Variants in KLHL25 observed in about 807,000 individuals in gnomAD.
The protein encoded by KLHL25 is kelch-like protein 25.
In KLHL25, 41 loss-of-function variants were observed where a neutral mutation model predicts 30.0. That is an observed-to-expected ratio of 1.37 (90% confidence interval 1.07 to 1.78). The LOEUF (loss-of-function observed/expected upper bound fraction) is 1.78. Ranked by LOEUF, KLHL25 falls within the 40% of genes most tolerant of loss-of-function variation. KLHL25 has a pLI of 0.00. For missense variants in KLHL25, 971 were observed against 824.5 expected, an observed-to-expected ratio of 1.18 and a Z score of -2.18; for synonymous variants, 399 against 355.3, an observed-to-expected ratio of 1.12 and a Z score of -1.38.
chr15:85,779,108 C>G (rs1433296912), intron 1 of KLHL25, among the ~76,000 whole-genome samples: 3 of 151,756 alleles, frequency 2.0e-5, no homozygotes, highest in African/African-American at 7.3e-5. Flanking sequence ...GCCGAACCCT[C>G]CCATGGGAGG....
At chr15:85,772,573 C>T (rs16944194) in intron 1 of KLHL25, among the ~76,000 whole-genome samples, 6,282 of 152,304 alleles carry the variant, frequency 0.041, 417 homozygotes, top group African/African-American at 0.14. Context: ...ACACCTAGAA[C>T]TAACTCCACT....
At chr15:85,782,927 T>C (rs1467947659) in intron 1 of KLHL25, among the ~76,000 whole-genome samples, 2 of 152,074 alleles carry the variant, frequency 1.3e-5, no homozygotes, top group Non-Finnish European at 2.9e-5. Flanking sequence ...CTAGAATCGA[T>C]TAGATGCTTA....
chr15:85,769,291 C>A lies in KLHL25; in HGVS notation c.520G>T (p.Val174Leu), dbSNP rs1222257393. The change falls in exon 2 of 3, where the codon GTG becomes TTG. Residue 174 changes from valine (V) to leucine (L), a missense_variant. By Grantham distance (32) the Val-to-Leu change is conservative. Coordinates refer to ENST00000337975, the MANE Select transcript of KLHL25 (RefSeq NM_022480.4). ...LYEFSWRMCL[V>L]HFETVRQSED... ...CTCTGCCTCACCGTCTCAAAGTGCA[C>A]CAGGCACATGCGCCAGGAGAACTCA... The A allele has an allele frequency of 1.9e-6, 3 of 1,613,970 alleles. No homozygotes were observed. The highest frequency in any genetic ancestry group is 4.5e-5 in the East Asian group (2 of 44,874).
intron 2 of KLHL25, 124 bp downstream of exon 2, chr15:85,767,893 C>T: frequency 1.6e-6 from 1 of 643,980 alleles, no homozygotes; most frequent in East Asian, 2.8e-5. Context: ...GCACACCAGC[C>T]ACCTGCTGCC....
chr15:85,780,754 C>T lies in KLHL25; in HGVS notation c.-10-10934G>A, dbSNP rs78751673. 3.5e-3 allele frequency among the ~76,000 whole-genome samples: 540 copies of T among 152,318 alleles called. 29 individuals are homozygous for T. The East Asian group carries it at 0.086, about 24-fold the overall frequency. On this transcript the variant is annotated intron_variant, in intron 1 of 2. Coordinates refer to ENST00000337975, the MANE Select transcript of KLHL25 (RefSeq NM_022480.4). ...CCCAAGACACAACTCTTTCTTTACC[C>T]GCTGACAGAGATGAGAGCAAGGGGA...
intron 1 of KLHL25, among the ~76,000 whole-genome samples, chr15:85,783,556 G>A (rs2151812160): frequency 6.6e-6 from 1 of 152,138 alleles, no homozygotes; most frequent in East Asian, 2.0e-4. Flanking sequence ...GACAGGCTTG[G>A]TGGCAGGCAT....
At chr15:85,767,970 C>T (rs904678455) in intron 2 of KLHL25, 47 bp downstream of exon 2, 2 of 1,289,350 alleles carry the variant, frequency 1.6e-6, no homozygotes, top group African/African-American at 1.5e-5. Context: ...TGCATTCCCC[C>T]ATGACCTTTC....
At chr15:85,765,518 C>T (rs543722095) in intron 2 of KLHL25, among the ~76,000 whole-genome samples, 2 of 151,466 alleles carry the variant, frequency 1.3e-5, no homozygotes, top group South Asian at 2.1e-4. Flanking sequence ...CCCAGCTACT[C>T]AGGAGGCTGA....
Position 85,768,637 on chromosome 15 carries a change from C to G in KLHL25, c.1174G>C (p.Val392Leu). The change falls in exon 2 of 3, where the codon GTG becomes CTG. Residue 392 changes from valine (V) to leucine (L), a missense_variant. By Grantham distance (32) the Val-to-Leu change is conservative. Coordinates refer to ENST00000337975, the MANE Select transcript of KLHL25 (RefSeq NM_022480.4). ...GCCAGGGATGTGTGTCCCCCCACCA[C>G]ATAGAGGCAGTTCTCCAGCTCAGCT... The part of the protein sequence containing the change: ...GSAELENCLY[V>L]VGGHTSLAGV... The G allele has an allele frequency of 6.2e-7, 1 of 1,613,114 alleles. No individual in the cohort carries two copies. The highest frequency in any genetic ancestry group is 1.3e-5 in the African/African-American group (1 of 75,060).
intron 2 of KLHL25, chr15:85,762,133 C>G (rs1349704054): frequency 2.6e-5 from 4 of 152,286 alleles, no homozygotes. Flanking sequence ...TGAGAAGGCC[C>G]CCAAATCCCT....
At chr15:85,763,157 G>C (rs1311683318) in intron 2 of KLHL25, 2 of 152,428 alleles carry the variant, frequency 1.3e-5, no homozygotes, top group East Asian at 3.8e-4. Flanking sequence ...CCCTTAGTGG[G>C]TAAGCGGGGG....
At chr15:85,778,296 A>T (rs912640512) in intron 1 of KLHL25, among the ~76,000 whole-genome samples, 7 of 152,176 alleles carry the variant, frequency 4.6e-5, no homozygotes, top group African/African-American at 1.7e-4. Context: ...ATCCAGCTAC[A>T]CGCCTTCACT....
rs545595416 is a variant in KLHL25 at position 85,790,336 on chromosome 15, C to A, written c.-11+4430G>T. Among the ~76,000 whole-genome samples, 3 of 152,296 alleles carry A rather than the reference C, an allele frequency of 2.0e-5. No homozygotes were observed. In the South Asian group the frequency reaches 6.2e-4, roughly 32 times the overall value. On this transcript the variant is annotated intron_variant, in intron 1 of 2. Transcript: ENST00000337975. ...CTCCCGACCTCAGGTGATCCGCCCA[C>A]CTCGGCCTCCCAAAGCACTGGGATT... is the stretch of plus-strand genomic sequence containing the variant.
intron 1 of KLHL25, among the ~76,000 whole-genome samples, chr15:85,782,101 A>G (rs1232239887): frequency 1.3e-5 from 2 of 151,874 alleles, no homozygotes; most frequent in Non-Finnish European, 2.9e-5. Flanking sequence ...CCAGTAGCAA[A>G]GTACAGGGGC....
At chr15:85,794,443 G>C (rs1057370087) in intron 1 of KLHL25, among the ~76,000 whole-genome samples, 2 of 152,224 alleles carry the variant, frequency 1.3e-5, no homozygotes, top group African/African-American at 4.8e-5. Flanking sequence ...AAGAGTCTGC[G>C]GACTCAATGA....
At position 85,768,849 on chromosome 15, in the gene KLHL25, A is replaced by C; in HGVS notation, c.962T>G (p.Ile321Ser). 1 of 1,613,288 alleles carries C rather than the reference A, an allele frequency of 6.2e-7. No homozygotes were observed. The highest frequency in any genetic ancestry group is 1.1e-5 in the South Asian group (1 of 91,082). ...YQVDHKAKEI[I>S]PKADLPSPRK... ...GGGGCTGGGCAGGTCGGCCTTGGGG[A>C]TGATCTCCTTGGCCTTGTGGTCCAC... Residue 321 changes from isoleucine (I) to serine (S), a missense_variant, in exon 2 of 3, where the codon ATC becomes AGC. Ile to Ser is a moderately radical substitution (Grantham distance 142). Coordinates refer to ENST00000337975, the MANE Select transcript of KLHL25 (RefSeq NM_022480.4).
intron 1 of KLHL25, among the ~76,000 whole-genome samples, chr15:85,779,840 T>C (rs1452292472): frequency 6.6e-6 from 1 of 152,218 alleles, no homozygotes; most frequent in Non-Finnish European, 1.5e-5. Context: ...ATCACTATGG[T>C]TTACAAATCC....
Position 85,759,337 on chromosome 15 carries a change from C to CT in KLHL25, c.*1698dup. ...AGGCAGGCAAAGAATTTTCTCAACT[C>CT]TTTTTATTAAGTTAGAAAACTGATA... On this transcript the variant is annotated 3_prime_UTR_variant, in exon 3 of 3. Transcript: ENST00000337975. 1 of 152,512 alleles carries CT rather than the reference C, an allele frequency of 6.6e-6. No homozygotes were observed. The highest frequency in any genetic ancestry group is 1.5e-5 in the Non-Finnish European group (1 of 68,066). 9.4% of individuals were successfully genotyped at this position (152,512 alleles called of 1,614,324 possible).
Position 85,768,202 on chromosome 15 carries a change from C to T in KLHL25, c.1609G>A (p.Gly537Ser), listed in dbSNP as rs367621442. 33 of 1,614,074 alleles carry T rather than the reference C, an allele frequency of 2.0e-5. No individual in the cohort carries two copies. Among genetic ancestry groups the T allele is most frequent in the Non-Finnish European group, 2.3e-5 (27 of 1,180,046 alleles). The change falls in exon 2 of 3, where the codon GGC (glycine) becomes AGC (serine). Residue 537 changes from glycine (G) to serine (S), a missense_variant. Transcript: ENST00000337975. ...KRMSCHALAS[G>S]NKLYVVGGYF... is the part of the protein sequence containing the mutation. ...CCCCCGACCACATAGAGCTTGTTGC[C>T]GGAAGCCAGGGCATGGCAGGACATG...
Sources: gnomAD v4.1 joint callset for allele counts (sites outside exome capture counted in the v4.1 genomes callset) on GRCh38, gnomAD v4.1.1 for gene constraint, MANE v1.5 for transcripts, NCBI Gene and HGNC (gene_info 2026-07-23, HGNC 2026-07-21) for gene names.